Variants in PSMD5 observed in about 807,000 individuals in gnomAD.
The protein encoded by PSMD5 is proteasome 26S subunit, non-ATPase 5.
PSMD5 carries 40 observed loss-of-function variants against 52.1 expected under a neutral mutation model. That is an observed-to-expected ratio of 0.77 (90% CI 0.60 to 1.00). The LOEUF is 1.00. Ranked by LOEUF, PSMD5 falls within the 50% of genes least tolerant of loss-of-function variation. The pLI is 0.00. For synonymous variants in PSMD5, 211 were observed against 226.6 expected (o/e 0.93, Z 0.62); for missense variants, 575 against 605.2 (o/e 0.95, Z 0.52).
At chr9:120,830,876 T>C (rs868424990) in intron 4 of PSMD5, among the ~76,000 whole-genome samples, 2 of 126,664 alleles carry the variant, frequency 1.6e-5, no homozygotes, top group African/African-American at 2.8e-5. Flanking sequence ...AGTAATTATA[T>C]TGCACTGTAA....
Position 120,833,437 on chromosome 9 carries a change from C to G in PSMD5, c.193G>C (p.Val65Leu). 6.2e-7 allele frequency: 1 copy of G among 1,613,758 alleles called. No individual in the cohort carries two copies. Among genetic ancestry groups the G allele is most frequent in the Non-Finnish European group, 8.5e-7 (1 of 1,179,778 alleles). Residue 65 changes from valine to leucine, a missense_variant, in exon 2 of 10, where the codon GTA becomes CTA. Coordinates refer to ENST00000210313, the MANE Select transcript of PSMD5 (RefSeq NM_005047.4). Reference protein sequence around the residue: ...ENHREKTTLCVSILERLLQAM... With the variant: ...ENHREKTTLCLSILERLLQAM... ...TGGAGCAATCTCTCCAGAATGGATA[C>G]ACACAAAGTAGTCTTTTCCCTGAAG...
At chr9:120,830,952 C>T (rs114018404) in intron 4 of PSMD5, among the ~76,000 whole-genome samples, 1,656 of 152,140 alleles carry the variant, frequency 0.011, 21 homozygotes, top group African/African-American at 0.038. Flanking sequence ...AGTGCAACCA[C>T]GGCTCACTGC....
At chr9:120,837,987 G>C (rs1272352075) in intron 1 of PSMD5, among the ~76,000 whole-genome samples, 4 of 152,204 alleles carry the variant, frequency 2.6e-5, no homozygotes, top group Non-Finnish European at 4.4e-5. Context: ...ACTATGCTAT[G>C]TGAAGGAAAC....
chr9:120,829,218 A>AG lies in PSMD5; in HGVS notation c.562-11_562-10insC. ...AAATCTCTATAATTAGCTGAAATAA[A>AG]AAAAAAAACACAGAAAAAAGAAAAA... On this transcript the variant is annotated splice_polypyrimidine_tract_variant and intron_variant, in intron 4 of 9. Transcript: ENST00000210313. The AG allele has an allele frequency of 6.4e-7, 1 of 1,566,628 alleles. No homozygotes were observed.
rs2045044900 is a variant in PSMD5, at chr9:120,816,663, T to C, written c.*1243A>G. On this transcript the variant is annotated 3_prime_UTR_variant, in exon 10 of 10. Coordinates refer to ENST00000210313, the MANE Select transcript of PSMD5 (RefSeq NM_005047.4). The stretch of plus-strand genomic sequence containing the variant: ...CCACGGCCTAAAAGAAATATGCTCA[T>C]GCATAAACCTCTGAACAGGTGATTT... 1.3e-5 allele frequency: 2 copies of C among 152,228 alleles called. No homozygotes were observed. The highest frequency in any genetic ancestry group is 2.1e-4 in the South Asian group (1 of 4,832). 9.4% of individuals were successfully genotyped at this position (152,228 alleles called of 1,614,324 possible).
chr9:120,818,172 G>T lies in PSMD5; in HGVS notation c.1258-9C>A. 4 of 1,607,502 alleles carry T rather than the reference G, an allele frequency of 2.5e-6. No homozygotes were observed. The highest frequency in any genetic ancestry group is 3.4e-6 in the Non-Finnish European group (4 of 1,174,918). ...GGTTGGTTTGCAATGGCCTGAAATG[G>T]AAGGCAGAAAGAATACAATTCCCCT... On this transcript the variant is annotated splice_polypyrimidine_tract_variant and intron_variant, in intron 9 of 9. Coordinates refer to ENST00000210313, the MANE Select transcript of PSMD5 (RefSeq NM_005047.4).
At chr9:120,838,549 A>G (rs1408146487) in intron 1 of PSMD5, among the ~76,000 whole-genome samples, 1 of 152,266 alleles carries the variant, frequency 6.6e-6, no homozygotes, top group Admixed American at 6.5e-5. Context: ...GTATCTGAAG[A>G]CTGCCAGATA....
Position 120,816,629 on chromosome 9 carries a change from T to A in PSMD5, c.*1277A>T, listed in dbSNP as rs1448023755. 6.6e-6 allele frequency: 1 copy of A among 152,226 alleles called. No homozygotes were observed. The allele number at this position is 152,226 out of a possible 1,614,324, so 9.4% of individuals were successfully genotyped here. A position where few individuals can be genotyped will look rare whatever the true frequency, so the allele number is the denominator to read the frequency against. On this transcript the variant is annotated 3_prime_UTR_variant, in exon 10 of 10. Transcript: ENST00000210313. Reference sequence around the variant, plus strand: ...TTTGTTACAAAGCAGGGGTGGTTTATCAACTTCACCACGGCCTAAAAGAAA... The same window carrying A: ...TTTGTTACAAAGCAGGGGTGGTTTAACAACTTCACCACGGCCTAAAAGAAA...
At position 120,842,838 on chromosome 9, in the gene PSMD5, C is replaced by T; in HGVS notation, c.72G>A (p.Ala24=). ...GCACTGCCTGCAGCACGGAGTGAAG[C>T]GCGCGTAGCTCCTCCAGCGGCGCTT... ...RLEAPLEELR[A]LHSVLQAVPL... Residue 24 remains alanine, a synonymous_variant, in exon 1 of 10, where the codon GCG becomes GCA. Transcript: ENST00000210313. 1 of 1,609,734 alleles carries T rather than the reference C, an allele frequency of 6.2e-7. No homozygotes were observed. The highest frequency in any genetic ancestry group is 8.5e-7 in the Non-Finnish European group (1 of 1,179,360).
intron 8 of PSMD5, 104 bp from the exon 9 acceptor site, chr9:120,821,083 TTTG>T: frequency 3.1e-6 from 4 of 1,304,194 alleles, no homozygotes; most frequent in Non-Finnish European, 4.2e-6. Context: ...CTGTCATTAA[TTTG>T]TTGTGTGAAA....
intron 1 of PSMD5, chr9:120,842,441 G>C (rs1351356037): frequency 6.3e-6 from 3 of 473,764 alleles, no homozygotes; most frequent in Non-Finnish European, 1.1e-5. Flanking sequence ...AATGCTCCTT[G>C]TAAGTGGACA....
intron 9 of PSMD5, 143 bp from the exon 10 acceptor site, chr9:120,818,306 T>A: frequency 1.2e-6 from 1 of 818,874 alleles, no homozygotes; most frequent in Non-Finnish European, 1.8e-6. Context: ...CCTGAGAATC[T>A]AACTTAATAA....
At chr9:120,831,689 T>C (rs1564476947) in intron 3 of PSMD5, 143 bp downstream of exon 3, 2 of 1,307,288 alleles carry the variant, frequency 1.5e-6, no homozygotes, top group East Asian at 4.8e-5. Flanking sequence ...ACCATTTATT[T>C]TACACAATCC....
chr9:120,824,319 AAG>A, intron 7 of PSMD5, 173 bp downstream of exon 7: 2 of 664,006 alleles, frequency 3.0e-6, no homozygotes, highest in Non-Finnish European at 5.2e-6. Flanking sequence ...AAAAAAAAAA[AAG>A]GTTTTCCGTA....
At chr9:120,830,774 T>C (rs903692200) in intron 4 of PSMD5, among the ~76,000 whole-genome samples, 3 of 152,190 alleles carry the variant, frequency 2.0e-5, no homozygotes, top group Admixed American at 1.3e-4. Flanking sequence ...TATTTTAGCA[T>C]AGTGCTTAGT....
At chr9:120,826,285 C>T (rs1049478717) in intron 6 of PSMD5, among the ~76,000 whole-genome samples, 6 of 152,168 alleles carry the variant, frequency 3.9e-5, no homozygotes, top group African/African-American at 1.4e-4. Context: ...TGAGCCACTG[C>T]GCCCGGCCTT....
In PSMD5 at chr9:120,835,570, C is replaced by CA. The variant is rs372341905; in HGVS notation, c.174-2115dup. On this transcript the variant is annotated intron_variant, in intron 1 of 9. Transcript: ENST00000210313. ...TGAAACCCCATCTCAACTAAAAATACAAAAAAAATTAGCTGGGTGTGGTAG... is the reference window on the plus strand; with the variant it reads ...TGAAACCCCATCTCAACTAAAAATACAAAAAAAAATTAGCTGGGTGTGGTAG... Among the ~76,000 whole-genome samples, 849 of 151,464 alleles carry CA rather than the reference C, an allele frequency of 5.6e-3. 11 individuals carry two copies. Among genetic ancestry groups the CA allele is most frequent in the African/African-American group, 0.019 (795 of 41,308 alleles).
intron 9 of PSMD5, 111 bp downstream of exon 9, chr9:120,820,728 A>C (rs1041669340): frequency 9.2e-7 from 1 of 1,091,366 alleles, no homozygotes; most frequent in Non-Finnish European, 1.3e-6. Context: ...GGTAGAAACT[A>C]TACTATGCAC....
chr9:120,820,494 T>C lies in PSMD5; in HGVS notation c.1257+345A>G, dbSNP rs180988722. ...GGTCCAGAGACACAAAACAAACAGT[T>C]TGGTACCACTGGAGCATTAGGTGCC... On this transcript the variant is annotated intron_variant, in intron 9 of 9. Transcript: ENST00000210313. Among the ~76,000 whole-genome samples, 459 of 152,226 alleles carry C rather than the reference T, an allele frequency of 3.0e-3. 5 individuals carry two copies. The highest frequency in any genetic ancestry group is 0.011 in the African/African-American group (436 of 41,518).
Sources: gnomAD v4.1 joint callset for allele counts (sites outside exome capture counted in the v4.1 genomes callset) on GRCh38, gnomAD v4.1.1 for gene constraint, MANE v1.5 for transcripts, NCBI Gene and HGNC (gene_info 2026-07-23, HGNC 2026-07-21) for gene names.